Variants in ABCC8 observed in about 807,000 individuals in gnomAD.
ABCC8 encodes ATP-binding cassette sub-family C member 8.
A neutral mutation model predicts 188.0 loss-of-function variants in ABCC8; 137 were observed. The ratio of observed to expected loss-of-function variants is 0.73; its 90% confidence interval spans 0.63 to 0.84. The LOEUF is 0.84. ABCC8 is among the 40% of genes least tolerant of loss of function. The pLI, the probability that ABCC8 is intolerant of heterozygous loss-of-function variation, is 0.00. For synonymous variants in ABCC8, 797 were observed against 846.5 expected, an observed-to-expected ratio of 0.94 and a Z score of 1.01; for missense variants, 1,750 against 2,072.7, an observed-to-expected ratio of 0.84 and a Z score of 3.02.
Position 17,476,784 on chromosome 11 carries a change from C to T in ABCC8, c.-8G>A. ...GCAGAAGGCCAGGGGCATGGCGGCG[C>T]GGGCGCGGGCTGGGCTCGGGCTCAG... is the stretch of plus-strand genomic sequence containing the variant. On this transcript the variant is annotated 5_prime_UTR_variant, in exon 1 of 39. Coordinates refer to ENST00000389817, the MANE Select transcript of ABCC8 (RefSeq NM_000352.6). 1 of 1,545,004 alleles carries T rather than the reference C, an allele frequency of 6.5e-7. No individual in the cohort carries two copies. The highest frequency in any genetic ancestry group is 1.2e-5 in the South Asian group (1 of 83,674).
rs1385206824 is a variant in ABCC8, at chr11:17,448,631, T to C, written c.1217A>G (p.Asn406Ser). 1.9e-6 allele frequency: 3 copies of C among 1,614,030 alleles called. No homozygotes were observed. The highest frequency in any genetic ancestry group is 1.3e-5 in the African/African-American group (1 of 74,922). ...YNKIMHLSTS[N>S]LSMGEMTAGQ... is the part of the protein sequence containing the mutation. Reference sequence around the variant, plus strand: ...AGCAGTCATTTCTCCCATGGACAGGTTGGAGGTGGACAGGTGCATAATTTT... The same window carrying C: ...AGCAGTCATTTCTCCCATGGACAGGCTGGAGGTGGACAGGTGCATAATTTT... Residue 406 changes from asparagine (N) to serine (S), a missense_variant, in exon 8 of 39, where the codon AAC becomes AGC. Physicochemically the swap from Asn to Ser is conservative, Grantham distance 46 (BLOSUM62 1). Transcript: ENST00000389817.
chr11:17,468,519 T>A (rs1040034463), intron 3 of ABCC8, among the ~76,000 whole-genome samples: 1 of 152,188 alleles, frequency 6.6e-6, no homozygotes, highest in Non-Finnish European at 1.5e-5. Flanking sequence ...ATTGCACAGA[T>A]GCTAGACTCC....
intron 36 of ABCC8, 183 bp downstream of exon 36, chr11:17,394,989 T>G: frequency 6.9e-6 from 5 of 720,158 alleles, no homozygotes; most frequent in Non-Finnish European, 9.3e-6. Flanking sequence ...TGACCAGTTG[T>G]GTGACCTGGG....
rs113111413 is a variant in ABCC8 at position 17,404,964 on chromosome 11, G to T, written c.3400-295C>A. Among the ~76,000 whole-genome samples, 1,765 of 152,228 alleles carry T rather than the reference G, an allele frequency of 0.012. 41 individuals are homozygous for T. Among genetic ancestry groups the T allele is most frequent in the African/African-American group, 0.039 (1,606 of 41,518 alleles). ...TTTAATAGAGAAGGGGTTTCATCATGTTGGCCATCAGGCTGGTCTTGAACA... is the reference window on the plus strand; with the variant it reads ...TTTAATAGAGAAGGGGTTTCATCATTTTGGCCATCAGGCTGGTCTTGAACA... On this transcript the variant is annotated intron_variant, in intron 27 of 38. Coordinates refer to ENST00000389817, the MANE Select transcript of ABCC8 (RefSeq NM_000352.6). The surrounding 1 kb of genome is among the most constrained non-coding windows in gnomAD (Gnocchi z 4.7).
intron 3 of ABCC8, among the ~76,000 whole-genome samples, chr11:17,469,074 C>CTT (rs1294817099): frequency 7.9e-4 from 101 of 127,344 alleles, no homozygotes; most frequent in Middle Eastern, 4.0e-3. Flanking sequence ...CCCTCCCTTC[C>CTT]CTCCCTCCCT....
intron 1 of ABCC8, among the ~76,000 whole-genome samples, chr11:17,475,306 C>G (rs1350778503): frequency 6.6e-6 from 1 of 152,208 alleles, no homozygotes; most frequent in African/African-American, 2.4e-5. Context: ...CAGCCTTGAT[C>G]TCCTAGGCTC....
At chr11:17,475,949 T>C (rs373661401) in intron 1 of ABCC8, among the ~76,000 whole-genome samples, 1 of 152,336 alleles carries the variant, frequency 6.6e-6, no homozygotes, top group African/African-American at 2.4e-5. Flanking sequence ...CGCCCAACTT[T>C]GCAAGCAAGG....
At chr11:17,429,145 G>A in intron 12 of ABCC8, 1 of 178,318 alleles carries the variant, frequency 5.6e-6, no homozygotes, top group Non-Finnish European at 1.2e-5. Context: ...GGGGGAGGCG[G>A]CTATTCCTAC....
intron 3 of ABCC8, among the ~76,000 whole-genome samples, chr11:17,466,617 CT>C (rs375530526): frequency 2.3e-5 from 3 of 127,956 alleles, no homozygotes; most frequent in African/African-American, 5.9e-5. Flanking sequence ...TGTGAATATA[CT>C]TTTTTTTTCT....
rs1434646217 is a variant in ABCC8 at position 17,470,149 on chromosome 11, C to T, written c.364G>A (p.Val122Ile). Residue 122 changes from valine to isoleucine, a missense_variant, in exon 3 of 39, where the codon GTC becomes ATC. Coordinates refer to ENST00000389817, the MANE Select transcript of ABCC8 (RefSeq NM_000352.6). ...MAFMAAVTSVVYYHNIETSNF... is the reference protein window; with the variant it reads ...MAFMAAVTSVIYYHNIETSNF... ...GAAGTCTCGATGTTGTGATAGTAGA[C>T]CACGGAGGTGACAGCAGCCATGAAC... The T allele has an allele frequency of 1.2e-6, 2 of 1,614,044 alleles. No homozygotes were observed. Among genetic ancestry groups the T allele is most frequent in the East Asian group, 2.2e-5 (1 of 44,882 alleles).
At chr11:17,442,959 CT>C in intron 9 of ABCC8, 77 bp from the exon 10 acceptor site, 1 of 1,599,424 alleles carries the variant, frequency 6.3e-7, no homozygotes, top group East Asian at 2.2e-5. Context: ...AGTGTCAATA[CT>C]GTCACTGCCA....
chr11:17,407,907 G>T (rs188151897), intron 23 of ABCC8, among the ~76,000 whole-genome samples: 2 of 152,294 alleles, frequency 1.3e-5, no homozygotes, highest in Admixed American at 6.5e-5. Flanking sequence ...ACCTAAGACT[G>T]CTGGTGGCCC....
At chr11:17,414,811 C>T (rs947329045) in intron 18 of ABCC8, 10 of 550,768 alleles carry the variant, frequency 1.8e-5, no homozygotes, top group Non-Finnish European at 2.1e-5. Flanking sequence ...CTGACTGGGG[C>T]AGCAGGACCT....
intron 3 of ABCC8, 131 bp from the exon 4 acceptor site, chr11:17,463,735 T>C: frequency 4.2e-6 from 5 of 1,196,254 alleles, no homozygotes; most frequent in Non-Finnish European, 4.7e-6. Context: ...TCCGAGTAAG[T>C]GGATGTGCAC....
chr11:17,400,498 A>G (rs1228207910), intron 29 of ABCC8, among the ~76,000 whole-genome samples: 2 of 152,156 alleles, frequency 1.3e-5, no homozygotes, highest in Non-Finnish European at 2.9e-5. Flanking sequence ...CCCAGGTTGG[A>G]GCCTGAACAT....
chr11:17,475,228 T>G (rs1848696015), intron 1 of ABCC8: 1 of 247,722 alleles, frequency 4.0e-6, no homozygotes, highest in Admixed American at 6.5e-5. Flanking sequence ...CCACCACACC[T>G]TTTTACTGAG....
Position 17,428,682 on chromosome 11 carries a change from G to A in ABCC8, c.1818-12C>T, listed in dbSNP as rs200678862. The A allele has an allele frequency of 6.2e-7, 1 of 1,611,262 alleles. No individual in the cohort carries two copies. Among genetic ancestry groups the A allele is most frequent in the Non-Finnish European group, 8.5e-7 (1 of 1,180,012 alleles). Reference sequence around the variant, plus strand: ...TTAGCTTTTGCACGCTGCTCGGGAAGCACAGAGACACCCCTCACCCCTGCC... The same window carrying A: ...TTAGCTTTTGCACGCTGCTCGGGAAACACAGAGACACCCCTCACCCCTGCC... On this transcript the variant is annotated splice_polypyrimidine_tract_variant and intron_variant, in intron 12 of 38. Coordinates refer to ENST00000389817, the MANE Select transcript of ABCC8 (RefSeq NM_000352.6).
intron 4 of ABCC8, among the ~76,000 whole-genome samples, chr11:17,462,973 T>C (rs569247231): frequency 8.4e-4 from 128 of 151,834 alleles, no homozygotes; most frequent in African/African-American, 2.9e-3. Context: ...CTGGGCTGCC[T>C]GGGGAGGTAG....
chr11:17,443,924 G>T (rs148783311), intron 8 of ABCC8, among the ~76,000 whole-genome samples: 1 of 152,118 alleles, frequency 6.6e-6, no homozygotes, highest in African/African-American at 2.4e-5. Flanking sequence ...TCCCCAAAGC[G>T]CCAAGATGAC....
Sources: allele counts gnomAD v4.1 joint callset (sites outside exome capture counted in the v4.1 genomes callset), GRCh38; gene constraint gnomAD v4.1.1; non-coding constraint Gnocchi (gnomAD v3.1); transcripts MANE v1.5; gene names NCBI Gene and HGNC (gene_info 2026-07-23, HGNC 2026-07-21).